Variants in TRERF1 observed in about 807,000 individuals in gnomAD.
TRERF1 encodes the protein transcriptional regulating factor 1, also known as transcriptional-regulating factor 1.
TRERF1 carries 27 observed loss-of-function variants against 122.9 expected under a neutral mutation model. The observed-to-expected ratio is 0.22, with a 90% CI of 0.16 to 0.30. The LOEUF (loss-of-function observed/expected upper bound fraction) is 0.30. TRERF1 is among the 10% of genes least tolerant of loss of function. The pLI, the probability that TRERF1 is intolerant of heterozygous loss-of-function variation, is 1.00. For synonymous variants in TRERF1, 636 were observed against 641.7 expected (o/e 0.99, Z 0.13); for missense variants, 1,248 against 1,560.3 (o/e 0.80, Z 3.37).
chr6:42,451,733 G>T (rs1343963899), intron 1 of TRERF1, among the ~76,000 whole-genome samples: 1 of 151,132 alleles, frequency 6.6e-6, no homozygotes, highest in Non-Finnish European at 1.5e-5. Flanking sequence ...TATAGCGCCC[G>T]CCAGCCCCCT....
Position 42,236,193 on chromosome 6 carries a change from A to G in TRERF1, c.3066+12T>C, listed in dbSNP as rs892025276. On this transcript the variant is annotated intron_variant, in intron 16 of 17. Transcript: ENST00000372922. ...CTTGTCCCAGATCCCCAGACGACACAGACACACTTACAGCCCCACAGTTGG... is the reference window on the plus strand; with the variant it reads ...CTTGTCCCAGATCCCCAGACGACACGGACACACTTACAGCCCCACAGTTGG... 1 of 1,554,564 alleles carries G rather than the reference A, an allele frequency of 6.4e-7. No individual in the cohort carries two copies. The highest frequency in any genetic ancestry group is 8.7e-7 in the Non-Finnish European group (1 of 1,155,870).
chr6:42,402,649 A>T (rs1228447649), intron 2 of TRERF1, among the ~76,000 whole-genome samples: 2 of 152,152 alleles, frequency 1.3e-5, no homozygotes, highest in Admixed American at 1.3e-4. Flanking sequence ...ATTCTTATAA[A>T]GTCATTTCTT....
chr6:42,401,153 G>T (rs931993152), intron 2 of TRERF1, among the ~76,000 whole-genome samples: 2 of 152,154 alleles, frequency 1.3e-5, no homozygotes, highest in African/African-American at 2.4e-5. Context: ...TATTCTATGG[G>T]GGCCAGCAGC....
intron 3 of TRERF1, among the ~76,000 whole-genome samples, chr6:42,346,130 G>A (rs1239965766): frequency 6.6e-6 from 1 of 152,260 alleles, no homozygotes; most frequent in African/African-American, 2.4e-5. Context: ...AAGGCTGCGA[G>A]GAAGAGGGTG....
At chr6:42,374,113 C>T (rs1022949784) in intron 2 of TRERF1, among the ~76,000 whole-genome samples, 1 of 137,994 alleles carries the variant, frequency 7.2e-6, no homozygotes, top group East Asian at 2.1e-4. Context: ...AGCCTGGCAA[C>T]AAAGTGAGAC....
At chr6:42,295,983 G>A (rs1785040820) in intron 4 of TRERF1, among the ~76,000 whole-genome samples, 1 of 152,150 alleles carries the variant, frequency 6.6e-6, no homozygotes, top group Non-Finnish European at 1.5e-5. Context: ...AGAGCTAAAG[G>A]ACATTCACGA....
In TRERF1 at chr6:42,263,447, A is replaced by G; in HGVS notation, c.1757T>C (p.Val586Ala). ...CGGGAGAAGCTTGACAGGGACAGAC[A>G]CGGGCATGACCATAGGCGTGAGGCT... Residue 586 changes from valine (V) to alanine (A), a missense_variant, in exon 8 of 18, where the codon GTG becomes GCG. Transcript: ENST00000372922. The surrounding 1 kb of genome is among the most constrained non-coding windows in gnomAD (Gnocchi z 5.6). 3 of 1,609,480 alleles carry G rather than the reference A, an allele frequency of 1.9e-6. No homozygotes were observed. Among genetic ancestry groups the G allele is most frequent in the Admixed American group, 3.4e-5 (2 of 59,366 alleles).
chr6:42,297,234 C>A (rs1247050687), intron 4 of TRERF1, among the ~76,000 whole-genome samples: 1 of 152,180 alleles, frequency 6.6e-6, no homozygotes, highest in East Asian at 1.9e-4. Context: ...GACCGGATAC[C>A]TTACTTGCCC....
intron 9 of TRERF1, 116 bp from the exon 10 acceptor site, chr6:42,258,317 T>A: frequency 1.1e-6 from 1 of 877,728 alleles, no homozygotes. Flanking sequence ...ACCCAGCTCC[T>A]GCCAGAGTTA....
intron 2 of TRERF1, among the ~76,000 whole-genome samples, chr6:42,411,471 G>C (rs1033361075): frequency 6.6e-6 from 1 of 152,132 alleles, no homozygotes; most frequent in African/African-American, 2.4e-5. Context: ...AGCAGAACAG[G>C]AACTAACACA....
rs543937739 is a variant in TRERF1, at chr6:42,344,880, T to C, written c.-371+18117A>G. ...CATATTGTACTTATTTGTTACTGCA[T>C]GTCTAGCCCAACTAGATTACAGGTT... On this transcript the variant is annotated intron_variant, in intron 3 of 17. Transcript: ENST00000372922. Among the ~76,000 whole-genome samples the C allele has an allele frequency of 1.1e-4, 16 of 152,356 alleles. No individual in the cohort carries two copies. The South Asian group carries it at 3.3e-3, about 32-fold the overall frequency.
At chr6:42,373,575 G>C (rs1272389341) in intron 2 of TRERF1, among the ~76,000 whole-genome samples, 1 of 152,154 alleles carries the variant, frequency 6.6e-6, no homozygotes, top group South Asian at 2.1e-4. Context: ...GCTAAGGCAG[G>C]AGAATGTCAT....
intron 9 of TRERF1, 74 bp from the exon 10 acceptor site, chr6:42,258,275 T>A: frequency 7.4e-7 from 1 of 1,349,968 alleles, no homozygotes; most frequent in African/African-American, 1.4e-5. Context: ...AATGAGCAGT[T>A]ACCTAACCAG....
At chr6:42,245,910 C>G (rs1774706171) in intron 14 of TRERF1, among the ~76,000 whole-genome samples, 1 of 152,170 alleles carries the variant, frequency 6.6e-6, no homozygotes, top group African/African-American at 2.4e-5. Flanking sequence ...GAGTTCAAGA[C>G]CAGCCTGGCC....
intron 2 of TRERF1, among the ~76,000 whole-genome samples, chr6:42,405,448 T>A (rs1780027864): frequency 6.6e-6 from 1 of 152,080 alleles, no homozygotes; most frequent in South Asian, 2.1e-4. Context: ...TTAGATGATG[T>A]ACGTTCAATT....
intron 15 of TRERF1, among the ~76,000 whole-genome samples, chr6:42,241,712 T>C (rs1403819050): frequency 6.6e-6 from 1 of 152,212 alleles, no homozygotes; most frequent in Non-Finnish European, 1.5e-5. Context: ...TCTGCCCACC[T>C]TGGCCTCCCA....
chr6:42,330,930 C>T (rs528224776), intron 3 of TRERF1, among the ~76,000 whole-genome samples: 2 of 152,274 alleles, frequency 1.3e-5, no homozygotes, highest in East Asian at 3.9e-4. Context: ...CCACCCGCCT[C>T]GACCTCCCAA....
chr6:42,336,877 T>C (rs1387201113), intron 3 of TRERF1, among the ~76,000 whole-genome samples: 3 of 152,152 alleles, frequency 2.0e-5, no homozygotes, highest in East Asian at 1.9e-4. Flanking sequence ...GCTCCTGCCA[T>C]GTGTAGGCTG....
At chr6:42,379,887 CAG>C (rs1167758310) in intron 2 of TRERF1, among the ~76,000 whole-genome samples, 1 of 152,150 alleles carries the variant, frequency 6.6e-6, no homozygotes, top group Admixed American at 6.5e-5. Context: ...GTGAACAAAA[CAG>C]AACAAGTTTT....
Sources: allele counts gnomAD v4.1 joint callset (sites outside exome capture counted in the v4.1 genomes callset), GRCh38; gene constraint gnomAD v4.1.1; non-coding constraint Gnocchi (gnomAD v3.1); transcripts MANE v1.5; gene names NCBI Gene and HGNC (gene_info 2026-07-23, HGNC 2026-07-21).